KCNU1: variants seen among roughly 807,000 people sequenced by gnomAD.
KCNU1 encodes potassium calcium-activated channel subfamily U member 1.
In KCNU1, 93 loss-of-function variants were observed where a neutral mutation model predicts 126.8. The observed-to-expected ratio is 0.73, with a 90% CI of 0.62 to 0.87. The LOEUF (loss-of-function observed/expected upper bound fraction) is 0.87. KCNU1 is among the 40% of genes least tolerant of loss of function. KCNU1 has a pLI of 0.00. For synonymous variants in KCNU1, 523 were observed against 494.2 expected (o/e 1.06, Z -0.77); for missense variants, 1,330 against 1,367.1 (o/e 0.97, Z 0.43).
chr8:36,820,801 A>C (rs1221108813), intron 10 of KCNU1, among the ~76,000 whole-genome samples: 1 of 152,130 alleles, frequency 6.6e-6, no homozygotes, highest in Non-Finnish European at 1.5e-5. Flanking sequence ...ATGCAACTGT[A>C]AGATCATTTG....
At chr8:36,846,732 C>T (rs1336355270) in intron 18 of KCNU1, among the ~76,000 whole-genome samples, 8 of 138,448 alleles carry the variant, frequency 5.8e-5, no homozygotes, top group Non-Finnish European at 1.1e-4. Context: ...ACCTGGGAGG[C>T]GGAGGTTGCA....
chr8:36,889,522 T>C (rs777956391), intron 19 of KCNU1, among the ~76,000 whole-genome samples: 9 of 151,976 alleles, frequency 5.9e-5, no homozygotes, highest in Non-Finnish European at 1.0e-4. Flanking sequence ...GCATTTAAAC[T>C]AAGAAAGAGA....
chr8:36,914,404 G>A (rs1389333402), intron 22 of KCNU1, among the ~76,000 whole-genome samples: 4 of 152,158 alleles, frequency 2.6e-5, no homozygotes, highest in South Asian at 2.1e-4. Flanking sequence ...TACACAGGAC[G>A]GCCTCACACA....
At chr8:36,829,521 A>C (rs1202985575) in intron 10 of KCNU1, among the ~76,000 whole-genome samples, 1 of 151,784 alleles carries the variant, frequency 6.6e-6, no homozygotes, top group Non-Finnish European at 1.5e-5. Flanking sequence ...TTAATTACTA[A>C]ATCTTTATAA....
At chr8:36,787,468 A>G in intron 2 of KCNU1, 43 bp downstream of exon 2, 1 of 1,560,950 alleles carries the variant, frequency 6.4e-7, no homozygotes, top group Non-Finnish European at 8.7e-7. Flanking sequence ...AACTTTAGCC[A>G]TAGGTGTGAT....
intron 22 of KCNU1, 105 bp from the exon 23 acceptor site, chr8:36,918,718 A>C (rs117978277): frequency 0.013 from 9,636 of 756,870 alleles, 71 homozygotes; most frequent in Non-Finnish European, 0.017. Context: ...ACATGAAAGT[A>C]ACTTTGCTAA....
At chr8:36,802,108 C>CAAAAAAAAAA (rs749026223) in intron 2 of KCNU1, among the ~76,000 whole-genome samples, 1 of 72,358 alleles carries the variant, frequency 1.4e-5, no homozygotes, top group African/African-American at 5.1e-5. Context: ...AACTCCGTCT[C>CAAAAAAAAAA]AAAAAAAAAA....
At chr8:36,914,262 G>A (rs555016550) in intron 22 of KCNU1, among the ~76,000 whole-genome samples, 57 of 152,308 alleles carry the variant, frequency 3.7e-4, no homozygotes, top group South Asian at 2.5e-3. Context: ...GGATAGAGTG[G>A]TTCTCAACCA....
intron 22 of KCNU1, among the ~76,000 whole-genome samples, chr8:36,916,395 G>T (rs1808110665): frequency 1.3e-5 from 2 of 149,944 alleles, no homozygotes. Context: ...ATGAGGAAGG[G>T]GAGAAAGAAA....
At chr8:36,890,242 G>A (rs2117442143) in intron 19 of KCNU1, among the ~76,000 whole-genome samples, 1 of 152,018 alleles carries the variant, frequency 6.6e-6, no homozygotes, top group South Asian at 2.1e-4. Context: ...CAGAATAAAT[G>A]AATTAATTTT....
intron 24 of KCNU1, chr8:36,922,929 G>A (rs1018809525): frequency 7.6e-6 from 4 of 523,032 alleles, no homozygotes; most frequent in African/African-American, 1.9e-5. Flanking sequence ...AGGTCCCTTG[G>A]CATCAGAGCT....
chr8:36,935,445 T>C (rs1585586938), intron 26 of KCNU1, 70 bp from the exon 27 acceptor site: 6 of 1,258,134 alleles, frequency 4.8e-6, no homozygotes, highest in Non-Finnish European at 6.7e-6. Flanking sequence ...ACCTCTTTAT[T>C]TGGGTCACTG....
chr8:36,817,992 A>C (rs1040932781), intron 10 of KCNU1, among the ~76,000 whole-genome samples: 4 of 152,194 alleles, frequency 2.6e-5, no homozygotes, highest in Non-Finnish European at 5.9e-5. Flanking sequence ...AGTGATTATC[A>C]TTTGGCATTT....
intron 19 of KCNU1, among the ~76,000 whole-genome samples, chr8:36,870,399 T>C (rs1348463072): frequency 6.6e-6 from 1 of 152,200 alleles, no homozygotes; most frequent in Admixed American, 6.5e-5. Context: ...ACATACCCTG[T>C]TGTCTCAGGA....
chr8:36,869,430 C>G (rs900326114), intron 19 of KCNU1, among the ~76,000 whole-genome samples: 1 of 152,136 alleles, frequency 6.6e-6, no homozygotes, highest in Admixed American at 6.6e-5. Context: ...TTAATGGTAT[C>G]TATGAATGAG....
At chr8:36,915,377 G>C (rs1048453184) in intron 22 of KCNU1, among the ~76,000 whole-genome samples, 12 of 152,268 alleles carry the variant, frequency 7.9e-5, no homozygotes, top group Non-Finnish European at 1.2e-4. Context: ...TTGTGATCTT[G>C]GGCATGGTAT....
chr8:36,810,504 C>T (rs867820014), intron 7 of KCNU1, among the ~76,000 whole-genome samples: 4 of 152,126 alleles, frequency 2.6e-5, no homozygotes, highest in African/African-American at 9.7e-5. Context: ...TTGAGCCATA[C>T]CAGTTTCTAG....
At chr8:36,809,923 A>G (rs1290498477) in intron 7 of KCNU1, among the ~76,000 whole-genome samples, 1 of 152,062 alleles carries the variant, frequency 6.6e-6, no homozygotes, top group African/African-American at 2.4e-5. Flanking sequence ...ACTTTTATGA[A>G]GAGCTCATAT....
Position 36,918,805 on chromosome 8 carries a change from C to G in KCNU1, c.2522-18C>G. 1 of 1,512,298 alleles carries G rather than the reference C, an allele frequency of 6.6e-7. No homozygotes were observed. Among genetic ancestry groups the G allele is most frequent in the South Asian group, 1.1e-5 (1 of 87,750 alleles). The allele number at this position is 1,512,298 out of a possible 1,614,324, so 93.7% of individuals were successfully genotyped here. A position where few individuals can be genotyped will look rare whatever the true frequency, so the allele number is the denominator to read the frequency against. On this transcript the variant is annotated intron_variant, in intron 22 of 26. Transcript: ENST00000399881. Reference sequence around the variant, plus strand: ...AAGGCATTGTGTTTGCATTTATCACCTCTTTTCTTCTTTGCAGAGGAGACT... The same window carrying G: ...AAGGCATTGTGTTTGCATTTATCACGTCTTTTCTTCTTTGCAGAGGAGACT...
Sources: gnomAD v4.1 joint callset for allele counts (sites outside exome capture counted in the v4.1 genomes callset) on GRCh38, gnomAD v4.1.1 for gene constraint, MANE v1.5 for transcripts, NCBI Gene and HGNC (gene_info 2026-07-23, HGNC 2026-07-21) for gene names.